The following LINGO2 variants were observed in gnomAD, a reference collection of about 807,000 sequenced individuals.
The protein encoded by LINGO2 is leucine-rich repeat and immunoglobulin-like domain-containing nogo receptor-interacting protein 2.
Under a neutral mutation model 30.6 loss-of-function variants are expected in LINGO2, and 14 were observed. That is an observed-to-expected ratio of 0.46 (90% CI 0.30 to 0.72). The LOEUF is 0.72. Ranked by LOEUF, LINGO2 falls within the 30% of genes least tolerant of loss-of-function variation. The pLI is 0.07. For synonymous variants in LINGO2, 317 were observed against 288.5 expected, an observed-to-expected ratio of 1.10 and a Z score of -1.00; for missense variants, 729 against 751.7, an observed-to-expected ratio of 0.97 and a Z score of 0.35.
chr9:28,245,917 T>C (rs542113721), intron 4 of LINGO2, among the ~76,000 whole-genome samples: 1 of 152,160 alleles, frequency 6.6e-6, no homozygotes, highest in African/African-American at 2.4e-5. Flanking sequence ...ACCATTAACA[T>C]TCTTCACAGA....
At chr9:28,696,530 T>A in the LINGO2 span, among the ~76,000 whole-genome samples, 1 of 151,902 alleles carries the variant, frequency 6.6e-6, no homozygotes, top group Admixed American at 6.6e-5. Context: ...TGAATTCATT[T>A]TTGACTATCT....
At chr9:28,429,646 G>A (rs1823565772) in intron 2 of LINGO2, among the ~76,000 whole-genome samples, 1 of 152,100 alleles carries the variant, frequency 6.6e-6, no homozygotes, top group Non-Finnish European at 1.5e-5. Flanking sequence ...TAGTTTTAGA[G>A]TAGAAGATGG....
chr9:29,150,535 A>T, the LINGO2 span, among the ~76,000 whole-genome samples: 3 of 152,222 alleles, frequency 2.0e-5, no homozygotes, highest in Admixed American at 2.0e-4. Flanking sequence ...GAAACGATCC[A>T]AGAGCTGATA....
the LINGO2 span, among the ~76,000 whole-genome samples, chr9:28,745,110 T>C: frequency 5.3e-5 from 8 of 152,160 alleles, no homozygotes; most frequent in East Asian, 1.5e-3. Flanking sequence ...GCTTGTAAGT[T>C]CCTTCTAGGA....
chr9:28,409,234 G>A (rs372775731), intron 2 of LINGO2, among the ~76,000 whole-genome samples: 14 of 151,976 alleles, frequency 9.2e-5, no homozygotes, highest in African/African-American at 2.9e-4. Context: ...CTGTGATCCC[G>A]CTACAGGATC....
the LINGO2 span, among the ~76,000 whole-genome samples, chr9:29,132,399 G>T: frequency 6.6e-6 from 1 of 152,198 alleles, no homozygotes; most frequent in South Asian, 2.1e-4. Context: ...GTCCCTTCCT[G>T]CAACCAATCA....
the LINGO2 span, among the ~76,000 whole-genome samples, chr9:29,010,312 A>G: frequency 2.6e-5 from 4 of 152,202 alleles, no homozygotes; most frequent in African/African-American, 9.6e-5. Context: ...CAGAATCTAC[A>G]GAGAAAGCTG....
chr9:28,281,468 C>CAT (rs575447133), intron 4 of LINGO2, among the ~76,000 whole-genome samples: 2 of 40,482 alleles, frequency 4.9e-5, no homozygotes, highest in Non-Finnish European at 1.0e-4. Context: ...AAAAAATTTA[C>CAT]ATATATATAT....
In LINGO2 at chr9:28,041,147, C is replaced by CT. The variant is rs1283347898; in HGVS notation, c.-86-28743_-86-28742insA. 4.4e-3 allele frequency among the ~76,000 whole-genome samples: 677 copies of CT among 152,282 alleles called. 7 individuals carry two copies. Among genetic ancestry groups the CT allele is most frequent in the African/African-American group, 0.016 (645 of 41,546 alleles). On this transcript the variant is annotated intron_variant, in intron 4 of 5. Transcript: ENST00000379992. ...TGAAAAATGTTCCCTCAAAAGAGAT[C>CT]CAAGACCATCTTTGTGTCTGAATCT...
chr9:28,110,766 G>A (rs1210390070), intron 4 of LINGO2, among the ~76,000 whole-genome samples: 1 of 152,178 alleles, frequency 6.6e-6, no homozygotes, highest in Admixed American at 6.5e-5. Context: ...GGAGAAATAA[G>A]AATGTTTTTA....
chr9:28,358,674 C>T (rs185983120), intron 3 of LINGO2, among the ~76,000 whole-genome samples: 84 of 152,132 alleles, frequency 5.5e-4, no homozygotes, highest in African/African-American at 1.7e-3. Context: ...ATTTATGAAA[C>T]GGGGATTATA....
At chr9:28,164,442 T>A (rs1314607572) in intron 4 of LINGO2, among the ~76,000 whole-genome samples, 2 of 152,222 alleles carry the variant, frequency 1.3e-5, no homozygotes, top group Admixed American at 6.5e-5. Flanking sequence ...ATCTGGAAAC[T>A]TTTATCTCCA....
intron 3 of LINGO2, among the ~76,000 whole-genome samples, chr9:28,313,616 A>G (rs1159756670): frequency 4.6e-5 from 7 of 152,292 alleles, no homozygotes; most frequent in Admixed American, 2.0e-4. Context: ...TGTTAGGCAG[A>G]GAGGCTGGAT....
At chr9:28,825,553 G>T in the LINGO2 span, among the ~76,000 whole-genome samples, 1 of 140,530 alleles carries the variant, frequency 7.1e-6, no homozygotes, top group Admixed American at 7.8e-5. Flanking sequence ...TGTAAGATCA[G>T]CTCATTTGTA....
At position 28,561,774 on chromosome 9, in the gene LINGO2, T is replaced by TATAA. The variant is rs1563826590; in HGVS notation, c.-364-85750_-364-85749insTTAT. Among the ~76,000 whole-genome samples, 2 of 117,736 alleles carry TATAA rather than the reference T, an allele frequency of 1.7e-5. 1 individual carries two copies. Among genetic ancestry groups the TATAA allele is most frequent in the East Asian group, 4.4e-4 (2 of 4,572 alleles). 77.2% of individuals were successfully genotyped at this position (117,736 alleles called of 152,430 possible). On this transcript the variant is annotated intron_variant, in intron 1 of 5. Transcript: ENST00000379992. ...GTATATATATATATATATATATATA[T>TATAA]ATATATAAAAAATATGCTACTAGAA...
chr9:28,733,174 A>C, the LINGO2 span, among the ~76,000 whole-genome samples: 3 of 152,150 alleles, frequency 2.0e-5, no homozygotes, highest in Non-Finnish European at 4.4e-5. Context: ...TGAAAGTATT[A>C]TTTCCATTGC....
intron 1 of LINGO2, among the ~76,000 whole-genome samples, chr9:28,564,747 T>C (rs949983135): frequency 2.0e-5 from 3 of 152,154 alleles, no homozygotes; most frequent in African/African-American, 7.2e-5. Context: ...AATGCAATTG[T>C]TACCGGCGAT....
chr9:28,613,379 CGTAT>C (rs148727508), intron 1 of LINGO2, among the ~76,000 whole-genome samples: 1,587 of 151,498 alleles, frequency 0.01, 25 homozygotes, highest in African/African-American at 0.036. Flanking sequence ...TGTGTATATA[CGTAT>C]GTGTGTGTGT....
At chr9:28,651,990 A>C (rs1456898314) in intron 1 of LINGO2, among the ~76,000 whole-genome samples, 1 of 152,176 alleles carries the variant, frequency 6.6e-6, no homozygotes, top group Non-Finnish European at 1.5e-5. Flanking sequence ...AACACACACA[A>C]GTACGTAGCC....
Sources: gnomAD v4.1 joint callset for allele counts (sites outside exome capture counted in the v4.1 genomes callset) on GRCh38, gnomAD v4.1.1 for gene constraint, MANE v1.5 for transcripts, NCBI Gene and HGNC (gene_info 2026-07-23, HGNC 2026-07-21) for gene names.